The following SHQ1 variants were observed in gnomAD, a reference collection of about 807,000 sequenced individuals.
SHQ1 encodes protein SHQ1 homolog.
Under a neutral mutation model 53.8 loss-of-function variants are expected in SHQ1, and 49 were observed. The observed-to-expected ratio is 0.91, with a 90% CI of 0.72 to 1.16. The LOEUF is 1.16. SHQ1 is among the 50% of genes most tolerant of loss of function. The pLI, the probability that SHQ1 is intolerant of heterozygous loss-of-function variation, is 0.00. For missense variants in SHQ1, 738 were observed against 683.1 expected, an observed-to-expected ratio of 1.08 and a Z score of -0.90; for synonymous variants, 243 against 251.0, an observed-to-expected ratio of 0.97 and a Z score of 0.30.
the SHQ1 span, among the ~76,000 whole-genome samples, chr3:72,738,279 T>C: frequency 6.6e-6 from 1 of 152,160 alleles, no homozygotes. Context: ...TGCCTGCCCC[T>C]GCTGAAAACG....
the SHQ1 span, among the ~76,000 whole-genome samples, chr3:72,741,599 AG>A: frequency 1.3e-5 from 2 of 151,462 alleles, no homozygotes; most frequent in Admixed American, 6.6e-5. Flanking sequence ...AAAAAAAAAA[AG>A]AAGGAGTGAG....
At chr3:72,799,095 G>A (rs1706711637) in intron 9 of SHQ1, among the ~76,000 whole-genome samples, 1 of 151,952 alleles carries the variant, frequency 6.6e-6, no homozygotes, top group Admixed American at 6.6e-5. Context: ...CGCCAATACA[G>A]GAGGATCACT....
At chr3:72,780,087 T>C (rs1706041331) in intron 10 of SHQ1, among the ~76,000 whole-genome samples, 1 of 152,156 alleles carries the variant, frequency 6.6e-6, no homozygotes, top group Non-Finnish European at 1.5e-5. Context: ...TAAAAAATAT[T>C]TAATTTTTTA....
intron 10 of SHQ1, among the ~76,000 whole-genome samples, chr3:72,762,674 G>C (rs1705637053): frequency 1.3e-5 from 2 of 151,744 alleles, no homozygotes; most frequent in African/African-American, 2.4e-5. Context: ...GCTCCTTCTT[G>C]CCTCCAGTTT....
chr3:72,812,661 A>G lies in SHQ1; in HGVS notation c.1060+10T>C. ...TCCCTCCCAAATTTGCAAGTACAGTAATATCTTACCCAGTTGCAATATCTT... is the reference window on the plus strand; with the variant it reads ...TCCCTCCCAAATTTGCAAGTACAGTGATATCTTACCCAGTTGCAATATCTT... On this transcript the variant is annotated intron_variant, in intron 9 of 10. Transcript: ENST00000325599. 6.2e-7 allele frequency: 1 copy of G among 1,613,082 alleles called. No homozygotes were observed. The highest frequency in any genetic ancestry group is 8.5e-7 in the Non-Finnish European group (1 of 1,179,676).
At position 72,812,772 on chromosome 3, in the gene SHQ1, A is replaced by G. The variant is rs1707166530; in HGVS notation, c.959T>C (p.Ile320Thr). Residue 320 changes from isoleucine to threonine, a missense_variant, in exon 9 of 11, where the codon ATC (isoleucine) becomes ACC (threonine). Coordinates refer to ENST00000325599, the MANE Select transcript of SHQ1 (RefSeq NM_018130.3). The stretch of plus-strand genomic sequence containing the variant: ...CACCCTTCTTCCAAAAGACACCATG[A>G]TATCATGAACGTTAGTCCAAGTCTG... ...WFETWTNVHD[I>T]MVSFGRRVLC... 4.3e-6 allele frequency: 7 copies of G among 1,613,976 alleles called. No homozygotes were observed. Among genetic ancestry groups the G allele is most frequent in the Non-Finnish European group, 5.1e-6 (6 of 1,180,006 alleles).
intron 10 of SHQ1, among the ~76,000 whole-genome samples, chr3:72,789,013 C>T (rs538353018): frequency 6.6e-6 from 1 of 151,568 alleles, no homozygotes. Flanking sequence ...GACCTTCCCT[C>T]CACTATTGTC....
At chr3:72,726,295 C>T in the SHQ1 span, among the ~76,000 whole-genome samples, 105 of 152,234 alleles carry the variant, frequency 6.9e-4, no homozygotes, top group African/African-American at 2.4e-3. Context: ...GGGAAAAGCA[C>T]GTCCTCACTT....
chr3:72,819,463 A>T (rs1168443061), intron 6 of SHQ1, among the ~76,000 whole-genome samples: 3 of 151,980 alleles, frequency 2.0e-5, no homozygotes, highest in Non-Finnish European at 4.4e-5. Flanking sequence ...TTAAGACAAG[A>T]TTCTGGATTT....
At chr3:72,740,087 C>A in the SHQ1 span, among the ~76,000 whole-genome samples, 1 of 152,192 alleles carries the variant, frequency 6.6e-6, no homozygotes, top group South Asian at 2.1e-4. Context: ...GGGTGGTAGA[C>A]GTTTATCAGT....
At chr3:72,842,602 A>T (rs575190948) in intron 2 of SHQ1, among the ~76,000 whole-genome samples, 200 bp from the exon 3 acceptor site, 2 of 152,230 alleles carry the variant, frequency 1.3e-5, no homozygotes, top group African/African-American at 4.8e-5. Flanking sequence ...TTAAAAGAAA[A>T]AAATAAATAA....
intron 10 of SHQ1, among the ~76,000 whole-genome samples, chr3:72,756,832 T>A (rs1705505586): frequency 6.6e-6 from 1 of 152,242 alleles, no homozygotes; most frequent in Admixed American, 6.5e-5. Flanking sequence ...CTTTAAAGAC[T>A]GCAGACAAGT....
chr3:72,846,175 G>C (rs1708322583), intron 1 of SHQ1: 1 of 1,523,190 alleles, frequency 6.6e-7, no homozygotes, highest in South Asian at 1.2e-5. Context: ...TATAAGCCTA[G>C]AGTTAAATTC....
At chr3:72,836,333 C>CA (rs1181721556) in intron 4 of SHQ1, among the ~76,000 whole-genome samples, 1 of 152,096 alleles carries the variant, frequency 6.6e-6, no homozygotes, top group East Asian at 1.9e-4. Context: ...ACTAAAAATA[C>CA]AAAAAATTAG....
At chr3:72,827,022 G>T (rs765180926) in intron 5 of SHQ1, among the ~76,000 whole-genome samples, 1 of 152,216 alleles carries the variant, frequency 6.6e-6, no homozygotes, top group Non-Finnish European at 1.5e-5. Context: ...GGATAAGAGA[G>T]TGGCAGTGGA....
intron 4 of SHQ1, among the ~76,000 whole-genome samples, chr3:72,838,704 T>G (rs1005491899): frequency 6.6e-6 from 1 of 152,170 alleles, no homozygotes; most frequent in East Asian, 1.9e-4. Context: ...TTTTGCCATG[T>G]TGGCTAGACT....
intron 10 of SHQ1, among the ~76,000 whole-genome samples, chr3:72,761,885 TAG>T (rs1233448283): frequency 6.6e-6 from 1 of 152,248 alleles, no homozygotes; most frequent in Non-Finnish European, 1.5e-5. Flanking sequence ...CACAATTATA[TAG>T]AGAGTCATTT....
chr3:72,846,395 A>C, intron 1 of SHQ1: 1 of 1,247,192 alleles, frequency 8.0e-7, no homozygotes, highest in Non-Finnish European at 1.1e-6. Flanking sequence ...CCCAGGTTCA[A>C]GCGATTCTCT....
intron 10 of SHQ1, among the ~76,000 whole-genome samples, chr3:72,757,373 T>C (rs908167355): frequency 6.7e-6 from 1 of 149,744 alleles, no homozygotes; most frequent in Non-Finnish European, 1.5e-5. Context: ...TCAAATTTCT[T>C]CTCTTTCCTT....
Sources: gnomAD v4.1 joint callset for allele counts (sites outside exome capture counted in the v4.1 genomes callset) on GRCh38, gnomAD v4.1.1 for gene constraint, MANE v1.5 for transcripts, NCBI Gene and HGNC (gene_info 2026-07-23, HGNC 2026-07-21) for gene names.